Variants in ADAM10 observed in about 807,000 individuals in gnomAD.
ADAM10 encodes the protein ADAM metallopeptidase domain 10, also known as disintegrin and metalloproteinase domain-containing protein 10.
In ADAM10, 17 loss-of-function variants were observed where a neutral mutation model predicts 90.1. That is an observed-to-expected ratio of 0.19 (90% CI 0.13 to 0.28). The LOEUF (loss-of-function observed/expected upper bound fraction) is 0.28, where lower values mean the gene tolerates loss of function less well. ADAM10 is among the 10% of genes least tolerant of loss of function. ADAM10 has a pLI of 1.00. For missense variants in ADAM10, 610 were observed against 914.3 expected, an observed-to-expected ratio of 0.67 and a Z score of 4.29; for synonymous variants, 310 against 298.6, an observed-to-expected ratio of 1.04 and a Z score of -0.40.
chr15:58,634,789 A>G (rs1896203937), intron 8 of ADAM10, among the ~76,000 whole-genome samples: 1 of 152,176 alleles, frequency 6.6e-6, no homozygotes, highest in South Asian at 2.1e-4. Context: ...CTTTCTATAG[A>G]CAAGTTACAA....
In ADAM10 at chr15:58,647,251, T is replaced by TC. The variant is rs1236043571; in HGVS notation, c.586-1048_586-1047insG. ...CAGCAAAGAGTAGACACTAAGTATTTTTTTTTTTTTTTTTTTTTTTTTTTT... is the reference window on the plus strand; with the variant it reads ...CAGCAAAGAGTAGACACTAAGTATTTCTTTTTTTTTTTTTTTTTTTTTTTTT... On this transcript the variant is annotated intron_variant, in intron 5 of 15. Transcript: ENST00000260408. Among the ~76,000 whole-genome samples, 152 of 46,106 alleles carry TC rather than the reference T, an allele frequency of 3.3e-3. 11 individuals carry two copies. Among genetic ancestry groups the TC allele is most frequent in the African/African-American group, 0.015 (136 of 9,194 alleles). 30.2% of individuals were successfully genotyped at this position (46,106 alleles called of 152,430 possible).
rs181031034 is a variant in ADAM10 at position 58,689,708 on chromosome 15, G to C, written c.207-7394C>G. Among the ~76,000 whole-genome samples, 823 of 152,030 alleles carry C rather than the reference G, an allele frequency of 5.4e-3. 5 individuals carry two copies. The highest frequency in any genetic ancestry group is 7.0e-3 in the Non-Finnish European group (476 of 67,976). ...TAATGAAAATAAATTCAATTACTTAGATAAAATAAACTCCTTAAAAGGTAC... is the reference window on the plus strand; with the variant it reads ...TAATGAAAATAAATTCAATTACTTACATAAAATAAACTCCTTAAAAGGTAC... On this transcript the variant is annotated intron_variant, in intron 2 of 15. Coordinates refer to ENST00000260408, the MANE Select transcript of ADAM10 (RefSeq NM_001110.4).
At chr15:58,669,235 T>C (rs1174291269) in intron 4 of ADAM10, among the ~76,000 whole-genome samples, 1 of 152,160 alleles carries the variant, frequency 6.6e-6, no homozygotes, top group Non-Finnish European at 1.5e-5. Flanking sequence ...ACTTCCCAAG[T>C]GTTAAGGTCT....
In ADAM10 at chr15:58,633,456, T is replaced by C. The variant is rs145082443; in HGVS notation, c.1013-97A>G. ...TATTAAATGAAAACATTTTATATTTTAATCTAAAATAGAACTGGTACTCAA... is the reference window on the plus strand; with the variant it reads ...TATTAAATGAAAACATTTTATATTTCAATCTAAAATAGAACTGGTACTCAA... On this transcript the variant is annotated intron_variant, in intron 8 of 15. Transcript: ENST00000260408. 281 of 1,070,866 alleles carry C rather than the reference T, an allele frequency of 2.6e-4. 1 individual carries two copies. The African/African-American group carries it at 4.0e-3, about 15-fold the overall frequency. The allele number at this position is 1,070,866 out of a possible 1,614,324, so 66.3% of individuals were successfully genotyped here.
intron 2 of ADAM10, chr15:58,691,649 G>A: frequency 2.6e-6 from 1 of 381,606 alleles, no homozygotes; most frequent in Non-Finnish European, 5.1e-6. Context: ...CCAGCCCAGA[G>A]AAGCTAAGCT....
intron 2 of ADAM10, among the ~76,000 whole-genome samples, chr15:58,710,595 A>G (rs988611457): frequency 6.6e-6 from 1 of 152,230 alleles, no homozygotes; most frequent in Non-Finnish European, 1.5e-5. Flanking sequence ...AAGCAATGTA[A>G]AATGTACTTT....
At chr15:58,664,214 A>G (rs1897028811) in intron 5 of ADAM10, among the ~76,000 whole-genome samples, 1 of 152,070 alleles carries the variant, frequency 6.6e-6, no homozygotes, top group African/African-American at 2.4e-5. Flanking sequence ...ATAAGGCTAG[A>G]TTAGCTATTC....
chr15:58,594,490 A>T lies in ADAM10; in HGVS notation c.*3057T>A, dbSNP rs1309434612. On this transcript the variant is annotated 3_prime_UTR_variant, in exon 16 of 16. Coordinates refer to ENST00000260408, the MANE Select transcript of ADAM10 (RefSeq NM_001110.4). The stretch of plus-strand genomic sequence containing the variant: ...ACTGTGACAAACACGAAGTACCCAA[A>T]GCATAAAGTGTTGAAGACACCTCAC... 6.6e-6 allele frequency: 1 copy of T among 152,234 alleles called. No individual in the cohort carries two copies. 9.4% of individuals were successfully genotyped at this position (152,234 alleles called of 1,614,324 possible). A position where few individuals can be genotyped will look rare whatever the true frequency, so the allele number is the denominator to read the frequency against.
chr15:58,718,059 G>C (rs888815294), intron 1 of ADAM10, among the ~76,000 whole-genome samples: 15 of 152,126 alleles, frequency 9.9e-5, no homozygotes, highest in African/African-American at 3.4e-4. Context: ...CATTTTAGGA[G>C]GCTGAGATGG....
intron 8 of ADAM10, among the ~76,000 whole-genome samples, chr15:58,637,203 C>T (rs902418652): frequency 6.6e-6 from 1 of 152,084 alleles, no homozygotes; most frequent in African/African-American, 2.4e-5. Flanking sequence ...CTAAAGAAAA[C>T]AGAAGAGACT....
intron 2 of ADAM10, among the ~76,000 whole-genome samples, chr15:58,689,455 C>T (rs1897713455): frequency 6.6e-6 from 1 of 152,012 alleles, no homozygotes; most frequent in East Asian, 1.9e-4. Flanking sequence ...CACTGCACTC[C>T]AACGTGGGCC....
chr15:58,741,352 TTAAAC>T (rs1899607894), intron 1 of ADAM10, among the ~76,000 whole-genome samples: 1 of 152,206 alleles, frequency 6.6e-6, no homozygotes, highest in African/African-American at 2.4e-5. Context: ...TAGTATATCT[TTAAAC>T]TAATCTCTAT....
chr15:58,593,145 T>A lies in ADAM10; in HGVS notation c.*4402A>T, dbSNP rs1452144996. The A allele has an allele frequency of 2.5e-5, 3 of 121,504 alleles. No homozygotes were observed. Among genetic ancestry groups the A allele is most frequent in the South Asian group, 3.0e-4 (1 of 3,294 alleles). The allele number at this position is 121,504 out of a possible 1,614,324, so 7.5% of individuals were successfully genotyped here. The stretch of plus-strand genomic sequence containing the variant: ...AAAAAAAGTAACAAAGGCCAGGTAC[T>A]CAAATTTTTTTTTTTTTTTTTTTTT... On this transcript the variant is annotated 3_prime_UTR_variant, in exon 16 of 16. Coordinates refer to ENST00000260408, the MANE Select transcript of ADAM10 (RefSeq NM_001110.4).
intron 11 of ADAM10, among the ~76,000 whole-genome samples, chr15:58,614,071 G>A (rs1270207330): frequency 2.0e-5 from 3 of 152,180 alleles, no homozygotes; most frequent in Non-Finnish European, 4.4e-5. Flanking sequence ...ACTTTGGGAG[G>A]CCAAAGCAGG....
At chr15:58,659,965 T>C (rs879836167) in intron 5 of ADAM10, among the ~76,000 whole-genome samples, 2 of 152,210 alleles carry the variant, frequency 1.3e-5, no homozygotes, top group Non-Finnish European at 2.9e-5. Context: ...CCTGATCTTG[T>C]GATCCGCCTG....
chr15:58,682,235 C>T lies in ADAM10; in HGVS notation c.286G>A (p.Asp96Asn). The T allele has an allele frequency of 6.2e-7, 1 of 1,612,820 alleles. No individual in the cohort carries two copies. Among genetic ancestry groups the T allele is most frequent in the Non-Finnish European group, 8.5e-7 (1 of 1,179,452 alleles). The change falls in exon 3 of 16, where the codon GAT becomes AAT. Residue 96 changes from aspartate to asparagine, a missense_variant. Physicochemically the swap from Asp to Asn is conservative, Grantham distance 23 (BLOSUM62 1). Coordinates refer to ENST00000260408, the MANE Select transcript of ADAM10 (RefSeq NM_001110.4). ...GTGTAAATATGAGAGGTATCATAAT[C>T]AAGTACTTTATTTGATGTTTCTACT... ...FKVETSNKVL[D>N]YDTSHIYTGH...
intron 6 of ADAM10, among the ~76,000 whole-genome samples, chr15:58,644,607 T>C (rs1896502795): frequency 1.3e-5 from 2 of 152,190 alleles, no homozygotes; most frequent in South Asian, 2.1e-4. Context: ...GTCCATTCCT[T>C]TTCACATATT....
At chr15:58,635,292 A>G (rs1241500044) in intron 8 of ADAM10, among the ~76,000 whole-genome samples, 2 of 130,080 alleles carry the variant, frequency 1.5e-5, no homozygotes, top group East Asian at 4.5e-4. Flanking sequence ...AAAAAAAAAA[A>G]AGAAAGAAAG....
At chr15:58,713,650 A>G (rs1344073726) in intron 2 of ADAM10, among the ~76,000 whole-genome samples, 1 of 152,200 alleles carries the variant, frequency 6.6e-6, no homozygotes, top group Admixed American at 6.5e-5. Context: ...CCAAGCTAAG[A>G]GATGTATTTT....
Sources: allele counts gnomAD v4.1 joint callset (sites outside exome capture counted in the v4.1 genomes callset), GRCh38; gene constraint gnomAD v4.1.1; transcripts MANE v1.5; gene names NCBI Gene and HGNC (gene_info 2026-07-23, HGNC 2026-07-21).